Variants in THSD4 observed in about 807,000 individuals in gnomAD.
THSD4 encodes the protein thrombospondin type-1 domain-containing protein 4.
THSD4 carries 69 observed loss-of-function variants against 119.0 expected under a neutral mutation model. The ratio of observed to expected loss-of-function variants is 0.58; its 90% CI spans 0.48 to 0.71. The LOEUF (loss-of-function observed/expected upper bound fraction) is 0.71. Among genes scored for constraint, THSD4 ranks in the 30% least tolerant of loss-of-function variants. The probability of loss-of-function intolerance (pLI) is 0.00; values close to 1 mark genes in which losing one functional copy is unlikely to be tolerated. For missense variants in THSD4, 1,393 were observed against 1,391.1 expected (o/e 1.00, Z -0.02); for synonymous variants, 524 against 540.4 (o/e 0.97, Z 0.42).
chr15:71,321,598 T>A (rs545751239), intron 6 of THSD4, among the ~76,000 whole-genome samples: 9 of 152,272 alleles, frequency 5.9e-5, no homozygotes, highest in African/African-American at 1.9e-4. Context: ...TAACAGAATC[T>A]TTTAAAATTG....
At chr15:71,602,402 A>T in intron 7 of THSD4, among the ~76,000 whole-genome samples, 1 of 151,572 alleles carries the variant, frequency 6.6e-6, no homozygotes, top group East Asian at 1.9e-4. Context: ...AAAAATACAA[A>T]ATTAGCCAGG....
At chr15:71,394,022 G>A (rs1031838173) in intron 6 of THSD4, among the ~76,000 whole-genome samples, 2 of 151,836 alleles carry the variant, frequency 1.3e-5, no homozygotes, top group African/African-American at 2.4e-5. Context: ...TCCAGAGTAC[G>A]GTTGCTTGTA....
At chr15:71,648,428 C>T (rs576720477) in intron 7 of THSD4, among the ~76,000 whole-genome samples, 1 of 152,190 alleles carries the variant, frequency 6.6e-6, no homozygotes, top group Non-Finnish European at 1.5e-5. Context: ...TGCTCTGTTT[C>T]TAAAATGAAA....
rs201879533 is a variant in THSD4 at position 71,746,912 on chromosome 15, G to A, written c.2111G>A (p.Arg704His). Residue 704 changes from arginine to histidine, a missense_variant, in exon 13 of 18, where the codon CGC (arginine) becomes CAC (histidine). Coordinates refer to ENST00000261862, the MANE Select transcript of THSD4 (RefSeq NM_024817.3). Reference protein sequence around the residue: ...LGMQHRQVLCRQVYANRSLTV... With the variant: ...LGMQHRQVLCHQVYANRSLTV... The stretch of plus-strand genomic sequence containing the variant: ...ATGCAGCACCGCCAGGTTCTGTGCC[G>A]CCAGGTGTACGCCAACCGCAGCCTG... The A allele has an allele frequency of 2.0e-5, 32 of 1,613,834 alleles. No homozygotes were observed. In the Middle Eastern group the frequency reaches 6.6e-4, roughly 33 times the overall value.
chr15:71,476,116 G>T (rs10162918), intron 7 of THSD4, among the ~76,000 whole-genome samples: 119,259 of 152,084 alleles, frequency 0.78, 46,877 homozygotes, highest in Admixed American at 0.8. Flanking sequence ...AAGTAACATA[G>T]GTATGTAAAG....
chr15:71,128,197 G>A (rs1380542046), intron 1 of THSD4, among the ~76,000 whole-genome samples: 2 of 150,714 alleles, frequency 1.3e-5, no homozygotes, highest in African/African-American at 2.4e-5. Flanking sequence ...CTGAGCAACA[G>A]ATATAAAAAT....
intron 7 of THSD4, among the ~76,000 whole-genome samples, chr15:71,520,237 C>T (rs1197838757): frequency 6.6e-6 from 1 of 152,184 alleles, no homozygotes; most frequent in Non-Finnish European, 1.5e-5. Context: ...GGAGCGTGCT[C>T]TCACTAAGGG....
chr15:71,358,570 C>T (rs369833889), intron 6 of THSD4, among the ~76,000 whole-genome samples: 2 of 152,340 alleles, frequency 1.3e-5, no homozygotes, highest in South Asian at 4.2e-4. Flanking sequence ...CACTTATCAA[C>T]AGCATGGCCT....
At chr15:71,422,645 A>G (rs2046823311) in intron 7 of THSD4, among the ~76,000 whole-genome samples, 3 of 152,086 alleles carry the variant, frequency 2.0e-5, no homozygotes, top group Admixed American at 2.0e-4. Context: ...ACCTGAAGGC[A>G]GCACAACACT....
rs113324280 is a variant in THSD4, at chr15:71,159,151, C to T, written c.99+4219C>T. On this transcript the variant is annotated intron_variant, in intron 3 of 17. Coordinates refer to ENST00000261862, the MANE Select transcript of THSD4 (RefSeq NM_024817.3). ...TGATGTTTGAATTTATTTCTGGGCT[C>T]TCTATTCTGTTCCATTGGCCTATAT... is the stretch of plus-strand genomic sequence containing the variant. Among the ~76,000 whole-genome samples the T allele has an allele frequency of 2.0e-5, 3 of 152,066 alleles. No homozygotes were observed. In the East Asian group the frequency reaches 5.8e-4, roughly 29 times the overall value.
At position 71,415,808 on chromosome 15, in the gene THSD4, T is replaced by G. The variant is rs948072403; in HGVS notation, c.1152+3985T>G. 3.9e-5 allele frequency among the ~76,000 whole-genome samples: 6 copies of G among 152,148 alleles called. No individual in the cohort carries two copies. In the South Asian group the frequency reaches 1.0e-3, roughly 26 times the overall value. ...CCAAGTTTGTCTTTTTGTTTGTTTGTTTTTTTAAGACGGAGTCTTACTCTG... is the reference window on the plus strand; with the variant it reads ...CCAAGTTTGTCTTTTTGTTTGTTTGGTTTTTTAAGACGGAGTCTTACTCTG... On this transcript the variant is annotated intron_variant, in intron 7 of 17. Coordinates refer to ENST00000261862, the MANE Select transcript of THSD4 (RefSeq NM_024817.3).
At chr15:71,602,617 C>T (rs2050035703) in intron 7 of THSD4, among the ~76,000 whole-genome samples, 1 of 148,534 alleles carries the variant, frequency 6.7e-6, no homozygotes, top group African/African-American at 2.5e-5. Context: ...CACAGCAATC[C>T]TATAAGGTAA....
chr15:71,738,064 G>T (rs966516325), intron 11 of THSD4, 57 bp downstream of exon 11: 2 of 1,596,692 alleles, frequency 1.3e-6, no homozygotes, highest in Admixed American at 1.7e-5. Flanking sequence ...AGGAGTGTGT[G>T]GGTGGCCCAA....
chr15:71,723,098 A>C (rs2052754517), intron 8 of THSD4, among the ~76,000 whole-genome samples: 1 of 152,084 alleles, frequency 6.6e-6, no homozygotes, highest in South Asian at 2.1e-4. Context: ...TTTAAAAAAA[A>C]ATGGGCAGAT....
chr15:71,740,464 G>A (rs1474722805), intron 11 of THSD4, among the ~76,000 whole-genome samples: 1 of 152,184 alleles, frequency 6.6e-6, no homozygotes, highest in Non-Finnish European at 1.5e-5. Flanking sequence ...CTGTCACTGC[G>A]TGGTTTTCAA....
chr15:71,513,178 T>C (rs1283037591), intron 7 of THSD4, among the ~76,000 whole-genome samples: 1 of 152,222 alleles, frequency 6.6e-6, no homozygotes, highest in Non-Finnish European at 1.5e-5. Flanking sequence ...GAGAGCTTCC[T>C]GTCATCTCTG....
At chr15:71,479,501 G>A (rs2047698564) in intron 7 of THSD4, among the ~76,000 whole-genome samples, 1 of 152,118 alleles carries the variant, frequency 6.6e-6, no homozygotes, top group South Asian at 2.1e-4. Flanking sequence ...AGGAAAGAAG[G>A]TTAACTTTAG....
chr15:71,746,263 G>T (rs2053334362), intron 12 of THSD4, among the ~76,000 whole-genome samples: 1 of 151,934 alleles, frequency 6.6e-6, no homozygotes. Context: ...AAAATCATTT[G>T]TACGTTTTCA....
At chr15:71,200,651 A>C (rs2043795832) in intron 3 of THSD4, among the ~76,000 whole-genome samples, 1 of 152,200 alleles carries the variant, frequency 6.6e-6, no homozygotes, top group Non-Finnish European at 1.5e-5. Flanking sequence ...GCAGTAACCA[A>C]ATAGTTTTTT....
Sources: allele counts gnomAD v4.1 joint callset (sites outside exome capture counted in the v4.1 genomes callset), GRCh38; gene constraint gnomAD v4.1.1; transcripts MANE v1.5; gene names NCBI Gene and HGNC (gene_info 2026-07-23, HGNC 2026-07-21).